NWD2: variants seen among roughly 807,000 people sequenced by gnomAD.
NWD2 encodes NACHT and WD repeat domain containing 2.
A neutral mutation model predicts 132.7 loss-of-function variants in NWD2; 37 were observed. The observed-to-expected ratio is 0.28, with a 90% CI of 0.21 to 0.37. The LOEUF (loss-of-function observed/expected upper bound fraction) is 0.37. NWD2 is among the 10% of genes least tolerant of loss of function. The pLI is 1.00. For missense variants in NWD2, 1,592 were observed against 2,122.4 expected (o/e 0.75, Z 4.91); for synonymous variants, 705 against 803.0 (o/e 0.88, Z 2.06).
chr4:37,441,099 G>A (rs1320521317), intron 6 of NWD2, among the ~76,000 whole-genome samples: 3 of 152,182 alleles, frequency 2.0e-5, no homozygotes, highest in South Asian at 2.1e-4. Context: ...CCTTTGAAAA[G>A]TCCATAGGAA....
chr4:37,335,129 GCACAATGTGCAAGTTCTT>G (rs1241202751), intron 2 of NWD2, among the ~76,000 whole-genome samples: 1 of 151,976 alleles, frequency 6.6e-6, no homozygotes, highest in Non-Finnish European at 1.5e-5. Flanking sequence ...ATGCTTCTTG[GCACAATGTGCAAGTTCTT>G]TTTTACCCCT....
chr4:37,296,027 C>G lies in NWD2; in HGVS notation c.152-29909C>G, dbSNP rs116632265. Among the ~76,000 whole-genome samples, 863 of 152,320 alleles carry G rather than the reference C, an allele frequency of 5.7e-3. 11 individuals are homozygous for G. Among genetic ancestry groups the G allele is most frequent in the African/African-American group, 0.02 (814 of 41,572 alleles). On this transcript the variant is annotated intron_variant, in intron 1 of 6. Coordinates refer to ENST00000309447, the MANE Select transcript of NWD2 (RefSeq NM_001144990.2). ...TAAAATTTGAGTCCCCTGACATGCACACATTCCCAACTGAGTGGAACAAGG... is the reference window on the plus strand; with the variant it reads ...TAAAATTTGAGTCCCCTGACATGCAGACATTCCCAACTGAGTGGAACAAGG...
chr4:37,247,798 C>G (rs35953833), intron 1 of NWD2, among the ~76,000 whole-genome samples: 34,331 of 151,738 alleles, frequency 0.23, 3,944 homozygotes, highest in South Asian at 0.36. Flanking sequence ...TTAGTAGCAA[C>G]GGGGTTTCGT....
chr4:37,417,081 C>T (rs971029470), intron 3 of NWD2, among the ~76,000 whole-genome samples: 2 of 152,052 alleles, frequency 1.3e-5, no homozygotes, highest in Non-Finnish European at 2.9e-5. Flanking sequence ...TTAACCAATA[C>T]CACCTGTTCC....
rs188684870 is a variant in NWD2 at position 37,370,775 on chromosome 4, G to A, written c.357+14293G>A. Reference sequence around the variant, plus strand: ...TCTGTACCTCATTTCTTCAAGACAGGAGGAATGATGAGGCTAAAGGTTGAT... The same window carrying A: ...TCTGTACCTCATTTCTTCAAGACAGAAGGAATGATGAGGCTAAAGGTTGAT... On this transcript the variant is annotated intron_variant, in intron 3 of 6. Transcript: ENST00000309447. 5.9e-5 allele frequency among the ~76,000 whole-genome samples: 9 copies of A among 152,286 alleles called. No homozygotes were observed. In the East Asian group the frequency reaches 1.7e-3, roughly 29 times the overall value.
chr4:37,262,322 C>G (rs140518505), intron 1 of NWD2, among the ~76,000 whole-genome samples: 3 of 152,310 alleles, frequency 2.0e-5, no homozygotes, highest in African/African-American at 7.2e-5. Flanking sequence ...AGAGAAGATT[C>G]CATGGTGGCT....
At chr4:37,415,499 T>A (rs1364704757) in intron 3 of NWD2, among the ~76,000 whole-genome samples, 3 of 151,916 alleles carry the variant, frequency 2.0e-5, no homozygotes, top group African/African-American at 4.8e-5. Context: ...GGTCAGGAAA[T>A]CAAGACCATC....
intron 1 of NWD2, among the ~76,000 whole-genome samples, chr4:37,288,496 A>G (rs929450669): frequency 3.3e-5 from 5 of 152,232 alleles, no homozygotes; most frequent in Admixed American, 1.3e-4. Flanking sequence ...TGTTAAATTT[A>G]TTACAACAGC....
At chr4:37,425,988 A>G (rs903528064) in intron 3 of NWD2, among the ~76,000 whole-genome samples, 5 of 152,214 alleles carry the variant, frequency 3.3e-5, no homozygotes, top group African/African-American at 1.2e-4. Flanking sequence ...TTGGTCTTCC[A>G]TCTCCACCCC....
At chr4:37,313,203 G>C (rs1029071711) in intron 1 of NWD2, among the ~76,000 whole-genome samples, 9 of 151,062 alleles carry the variant, frequency 6.0e-5, no homozygotes, top group Non-Finnish European at 8.8e-5. Context: ...AGAAGGAATG[G>C]TACCAGTTCC....
chr4:37,430,619 T>G lies in NWD2; in HGVS notation c.405T>G (p.Val135=), dbSNP rs1221702832. 5.2e-6 allele frequency: 8 copies of G among 1,551,594 alleles called. No homozygotes were observed. Among genetic ancestry groups the G allele is most frequent in the Non-Finnish European group, 7.0e-6 (8 of 1,146,902 alleles). ...KYGNIRIPGE[V]EASEFEMILD... is the part of the protein sequence containing the mutation. ...GGAATATCCGAATCCCTGGAGAAGT[T>G]GAAGCCTCAGAGTTTGAAATGATTT... Residue 135 remains valine (V), a synonymous_variant, in exon 4 of 7, where the codon GTT becomes GTG. Coordinates refer to ENST00000309447, the MANE Select transcript of NWD2 (RefSeq NM_001144990.2).
In NWD2 at chr4:37,385,549, G is replaced by A. The variant is rs532620357; in HGVS notation, c.357+29067G>A. Among the ~76,000 whole-genome samples the A allele has an allele frequency of 1.1e-4, 16 of 152,276 alleles. 1 individual carries two copies. In the South Asian group the frequency reaches 2.1e-3, roughly 20 times the overall value. ...AATTTCATCTCCCAGAGCCTCCAAA[G>A]AATCATTCTGTGTGAGGACTGATTG... On this transcript the variant is annotated intron_variant, in intron 3 of 6. Transcript: ENST00000309447.
At chr4:37,378,425 G>A (rs530089729) in intron 3 of NWD2, among the ~76,000 whole-genome samples, 23 of 152,324 alleles carry the variant, frequency 1.5e-4, no homozygotes, top group Middle Eastern at 3.4e-3. Context: ...TTGTGACAGG[G>A]TGTCAGTTGT....
At chr4:37,358,349 T>A (rs1719911358) in intron 3 of NWD2, among the ~76,000 whole-genome samples, 1 of 150,478 alleles carries the variant, frequency 6.6e-6, no homozygotes, top group Admixed American at 6.6e-5. Context: ...AATACGTGGT[T>A]TGGGGGGGTT....
At chr4:37,405,878 G>A (rs1349779688) in intron 3 of NWD2, among the ~76,000 whole-genome samples, 1 of 152,180 alleles carries the variant, frequency 6.6e-6, no homozygotes, top group Non-Finnish European at 1.5e-5. Context: ...ATACTTAACA[G>A]ATCTTTGTTG....
chr4:37,390,858 T>G (rs1720667839), intron 3 of NWD2, among the ~76,000 whole-genome samples: 1 of 152,202 alleles, frequency 6.6e-6, no homozygotes, highest in Non-Finnish European at 1.5e-5. Flanking sequence ...TTGGAAGACT[T>G]TTAGAAAGGG....
At chr4:37,283,579 A>G (rs1718171390) in intron 1 of NWD2, among the ~76,000 whole-genome samples, 1 of 152,204 alleles carries the variant, frequency 6.6e-6, no homozygotes. Flanking sequence ...TACCGTTAGT[A>G]TCAGTGATTT....
At chr4:37,387,849 A>G (rs1720596541) in intron 3 of NWD2, among the ~76,000 whole-genome samples, 1 of 151,126 alleles carries the variant, frequency 6.6e-6, no homozygotes. Context: ...TAATTTTTGT[A>G]TTTTTGTACA....
At chr4:37,359,941 G>A (rs538938298) in intron 3 of NWD2, among the ~76,000 whole-genome samples, 31 of 152,250 alleles carry the variant, frequency 2.0e-4, no homozygotes, top group African/African-American at 7.2e-4. Context: ...GGACTAGCTT[G>A]GGAAACATTG....
Sources: gnomAD v4.1 joint callset for allele counts (sites outside exome capture counted in the v4.1 genomes callset) on GRCh38, gnomAD v4.1.1 for gene constraint, MANE v1.5 for transcripts, NCBI Gene and HGNC (gene_info 2026-07-23, HGNC 2026-07-21) for gene names.